TENM2: variants seen among roughly 807,000 people sequenced by gnomAD.
TENM2 encodes teneurin-2.
In TENM2, 52 loss-of-function variants were observed where a neutral mutation model predicts 245.2. The ratio of observed to expected loss-of-function variants is 0.21; its 90% CI spans 0.17 to 0.27. TENM2 has a LOEUF of 0.27. TENM2 is among the 10% of genes least tolerant of loss of function. TENM2 has a pLI of 1.00. For missense variants in TENM2, 3,046 were observed against 3,666.8 expected, an observed-to-expected ratio of 0.83 and a Z score of 4.37; for synonymous variants, 1,363 against 1,438.9, an observed-to-expected ratio of 0.95 and a Z score of 1.19.
At chr5:167,087,101 G>A in the TENM2 span, among the ~76,000 whole-genome samples, 19 of 152,114 alleles carry the variant, frequency 1.2e-4, no homozygotes, top group Admixed American at 8.5e-4. Context: ...AGACCTAGGA[G>A]CCACCTCAAT....
chr5:167,071,333 G>T, the TENM2 span, among the ~76,000 whole-genome samples: 1 of 152,084 alleles, frequency 6.6e-6, no homozygotes, highest in Non-Finnish European at 1.5e-5. Context: ...TGATTATAAG[G>T]ACATCTAATT....
intron 5 of TENM2, among the ~76,000 whole-genome samples, chr5:168,009,391 C>A (rs1176215594): frequency 6.6e-6 from 1 of 152,182 alleles, no homozygotes; most frequent in Non-Finnish European, 1.5e-5. Context: ...TGTATATCTG[C>A]AAATGAGGCT....
chr5:168,177,261 C>G (rs1759444083), intron 13 of TENM2, among the ~76,000 whole-genome samples: 1 of 152,198 alleles, frequency 6.6e-6, no homozygotes, highest in African/African-American at 2.4e-5. Flanking sequence ...CTGGGTTTCT[C>G]CATCTGAAAA....
chr5:168,238,037 C>T lies in TENM2; in HGVS notation c.5521-6383C>T, dbSNP rs569703758. Among the ~76,000 whole-genome samples, 292 of 150,860 alleles carry T rather than the reference C, an allele frequency of 1.9e-3. 3 individuals carry two copies. The highest frequency in any genetic ancestry group is 6.7e-3 in the South Asian group (32 of 4,784). The stretch of plus-strand genomic sequence containing the variant: ...GCGGGCGCCTGTAGTCGCAGCTACT[C>T]AGGAGGCTGAGGCAGGAGAATGGTG... On this transcript the variant is annotated intron_variant, in intron 25 of 28. Transcript: ENST00000518659.
At chr5:167,283,518 A>T (rs1211766288), upstream of TENM2, among the ~76,000 whole-genome samples, 2 of 152,232 alleles carry the variant, frequency 1.3e-5, no homozygotes, top group East Asian at 3.9e-4. Context: ...GGCAAATGTC[A>T]TCCACATTGC....
intron 13 of TENM2, among the ~76,000 whole-genome samples, chr5:168,171,172 C>T (rs78056122): frequency 6.6e-6 from 1 of 152,256 alleles, no homozygotes; most frequent in East Asian, 1.9e-4. Flanking sequence ...GTGTCTCTCC[C>T]ATCAACCATT....
chr5:167,894,752 T>C (rs1007612438), intron 3 of TENM2, among the ~76,000 whole-genome samples: 2 of 152,216 alleles, frequency 1.3e-5, no homozygotes, highest in African/African-American at 2.4e-5. Flanking sequence ...AAATATTTAA[T>C]GTTACTATTG....
At chr5:167,745,394 G>T (rs1435309459) in intron 2 of TENM2, among the ~76,000 whole-genome samples, 1 of 152,188 alleles carries the variant, frequency 6.6e-6, no homozygotes, top group Non-Finnish European at 1.5e-5. Flanking sequence ...CTCCATGCTG[G>T]CTATGGTGTG....
At chr5:168,139,000 C>G (rs1161167778) in intron 12 of TENM2, among the ~76,000 whole-genome samples, 1 of 152,178 alleles carries the variant, frequency 6.6e-6, no homozygotes, top group East Asian at 1.9e-4. Context: ...TTTTCTAACC[C>G]AAGACACCCT....
intron 25 of TENM2, among the ~76,000 whole-genome samples, chr5:168,238,940 C>G (rs1367822990): frequency 2.6e-5 from 4 of 152,188 alleles, no homozygotes; most frequent in Non-Finnish European, 5.9e-5. Context: ...CACTGAATTC[C>G]TACCAAGCCG....
chr5:167,537,762 C>G (rs564256182), intron 2 of TENM2, among the ~76,000 whole-genome samples: 3 of 152,298 alleles, frequency 2.0e-5, no homozygotes, highest in South Asian at 4.1e-4. Context: ...GCTGTTATAA[C>G]CCACGTGGGT....
intron 2 of TENM2, among the ~76,000 whole-genome samples, chr5:167,823,580 C>A (rs1767718714): frequency 6.6e-6 from 1 of 152,100 alleles, no homozygotes; most frequent in Non-Finnish European, 1.5e-5. Context: ...GCGAATGGCT[C>A]TCCTGTTATT....
At chr5:167,385,736 T>A (rs986837689) in intron 2 of TENM2, among the ~76,000 whole-genome samples, 1 of 152,084 alleles carries the variant, frequency 6.6e-6, no homozygotes, top group East Asian at 1.9e-4. Flanking sequence ...TAGCTCCCAC[T>A]TATAAGTGAG....
intron 4 of TENM2, among the ~76,000 whole-genome samples, chr5:167,966,770 T>G (rs1213315026): frequency 1.3e-5 from 2 of 152,202 alleles, no homozygotes; most frequent in East Asian, 3.9e-4. Flanking sequence ...GCAACCTGTT[T>G]GCTTTTTTGT....
chr5:168,217,719 C>T (rs772679558), intron 22 of TENM2, among the ~76,000 whole-genome samples: 2 of 152,108 alleles, frequency 1.3e-5, no homozygotes, highest in African/African-American at 2.4e-5. Context: ...ATACAGGTGC[C>T]GCCTCTAAAT....
chr5:167,528,325 T>C (rs1771258634), intron 2 of TENM2, among the ~76,000 whole-genome samples: 1 of 152,162 alleles, frequency 6.6e-6, no homozygotes, highest in South Asian at 2.1e-4. Flanking sequence ...TGGCTAAATA[T>C]TCTACCTCTT....
intron 2 of TENM2, among the ~76,000 whole-genome samples, chr5:167,716,098 G>A (rs971470912): frequency 1.3e-5 from 2 of 152,168 alleles, no homozygotes; most frequent in East Asian, 3.9e-4. Context: ...GCTCTTCAAG[G>A]CCATGGAGGA....
chr5:167,652,061 G>A (rs189836655), intron 2 of TENM2, among the ~76,000 whole-genome samples: 434 of 152,120 alleles, frequency 2.9e-3, no homozygotes, highest in African/African-American at 1.0e-2. Context: ...TCTTTCCCTT[G>A]CTATCTTATG....
the TENM2 span, among the ~76,000 whole-genome samples, chr5:167,140,758 A>G: frequency 0.022 from 3,380 of 152,214 alleles, 118 homozygotes; most frequent in African/African-American, 0.077. Flanking sequence ...ATTCTCTCAG[A>G]TTCTGGTGGC....
Sources: gnomAD v4.1 joint callset for allele counts (sites outside exome capture counted in the v4.1 genomes callset) on GRCh38, gnomAD v4.1.1 for gene constraint, MANE v1.5 for transcripts, NCBI Gene and HGNC (gene_info 2026-07-23, HGNC 2026-07-21) for gene names.